ADAM19: variants seen among roughly 807,000 people sequenced by gnomAD.
ADAM19 encodes the protein ADAM metallopeptidase domain 19, also known as disintegrin and metalloproteinase domain-containing protein 19.
Under a neutral mutation model 114.7 loss-of-function variants are expected in ADAM19, and 65 were observed. The observed-to-expected ratio is 0.57, with a 90% confidence interval of 0.46 to 0.70. The LOEUF is 0.70. ADAM19 is among the 30% of genes least tolerant of loss of function. The pLI, the probability that ADAM19 is intolerant of heterozygous loss-of-function variation, is 0.00. For missense variants in ADAM19, 1,063 were observed against 1,204.7 expected (o/e 0.88, Z 1.74); for synonymous variants, 466 against 460.5 (o/e 1.01, Z -0.15).
intron 5 of ADAM19, among the ~76,000 whole-genome samples, chr5:157,529,596 C>G (rs983242626): frequency 1.3e-5 from 2 of 152,030 alleles, no homozygotes; most frequent in Non-Finnish European, 1.5e-5. Flanking sequence ...GAACAAGCTC[C>G]CAGGTAAAGT....
chr5:157,536,425 C>T (rs189708554), intron 4 of ADAM19, among the ~76,000 whole-genome samples: 6 of 152,226 alleles, frequency 3.9e-5, no homozygotes, highest in East Asian at 3.9e-4. Flanking sequence ...GTCAGGAGTT[C>T]GAGAATAGCT....
At chr5:157,565,640 C>A (rs192563563) in intron 2 of ADAM19, among the ~76,000 whole-genome samples, 2 of 150,244 alleles carry the variant, frequency 1.3e-5, no homozygotes, top group South Asian at 4.2e-4. Context: ...ACCTGGGAGG[C>A]GAAGGTTGCA....
At position 157,575,679 on chromosome 5, in the gene ADAM19, G is replaced by C. The variant is rs1399848602; in HGVS notation, c.18C>G (p.Gly6=). The C allele has an allele frequency of 1.1e-5, 15 of 1,346,714 alleles. No individual in the cohort carries two copies. The highest frequency in any genetic ancestry group is 1.8e-5 in the South Asian group (1 of 54,432). 83.4% of individuals were successfully genotyped at this position (1,346,714 alleles called of 1,614,324 possible). Residue 6 remains glycine (G), a synonymous_variant, in exon 1 of 23, where the codon GGC becomes GGG. Transcript: ENST00000257527. The part of the protein sequence containing the change: MPGGA[G]AARLCLLAFA... ...ACGCCAGCAAGCAGAGCCGGGCGGCGCCTGCGCCCCCTGGCATGGTGGCGG... is the reference window on the plus strand; with the variant it reads ...ACGCCAGCAAGCAGAGCCGGGCGGCCCCTGCGCCCCCTGGCATGGTGGCGG...
intron 2 of ADAM19, chr5:157,568,253 C>T (rs923250238): frequency 2.0e-5 from 3 of 152,208 alleles, no homozygotes; most frequent in Non-Finnish European, 2.9e-5. Context: ...GATTACAGGG[C>T]GTGAGCCACC....
chr5:157,554,374 T>C (rs1239205118), intron 3 of ADAM19, among the ~76,000 whole-genome samples: 1 of 152,246 alleles, frequency 6.6e-6, no homozygotes, highest in Non-Finnish European at 1.5e-5. Context: ...GTGGACATCC[T>C]TCCTGGCTGC....
chr5:157,481,012 A>G lies in ADAM19; in HGVS notation c.2704-10T>C. 6.2e-7 allele frequency: 1 copy of G among 1,614,136 alleles called. No homozygotes were observed. Among genetic ancestry groups the G allele is most frequent in the Non-Finnish European group, 8.5e-7 (1 of 1,180,004 alleles). ...ATCTGTATTCTGGAAACTGGGAAGA[A>G]AAAGAAGGGAGGGAGAGAGACATCA... On this transcript the variant is annotated splice_polypyrimidine_tract_variant and intron_variant, in intron 22 of 22. Coordinates refer to ENST00000257527, the MANE Select transcript of ADAM19 (RefSeq NM_033274.5).
intron 9 of ADAM19, among the ~76,000 whole-genome samples, chr5:157,507,948 G>A (rs1755799027): frequency 1.3e-5 from 2 of 152,168 alleles, no homozygotes; most frequent in African/African-American, 4.8e-5. Context: ...TTCTCATCTA[G>A]ACCATGATAT....
chr5:157,481,278 G>C, intron 22 of ADAM19: 1 of 576,784 alleles, frequency 1.7e-6, no homozygotes, highest in Non-Finnish European at 3.1e-6. Context: ...TCAATGCCTC[G>C]TGGGAATACA....
intron 7 of ADAM19, 43 bp from the exon 8 acceptor site, chr5:157,513,548 C>T: frequency 6.4e-7 from 1 of 1,560,866 alleles, no homozygotes; most frequent in Non-Finnish European, 8.8e-7. Context: ...CAGAACCTCT[C>T]ACAGGATGCT....
In ADAM19 at chr5:157,490,457, TC is replaced by T. The variant is rs764955510; in HGVS notation, c.2096-4del. The T allele has an allele frequency of 3.6e-5, 58 of 1,613,394 alleles. No homozygotes were observed. The African/African-American group carries it at 7.1e-4, about 20-fold the overall frequency. On this transcript the variant is annotated splice_region_variant and splice_polypyrimidine_tract_variant and intron_variant, in intron 18 of 22. Transcript: ENST00000257527. ...TCCAGCTACCACAGGACCCACACCT[TC>T]CAGAAACAGAACCCAAGTGGGAGAT...
At chr5:157,516,834 G>A (rs1255936532) in intron 7 of ADAM19, among the ~76,000 whole-genome samples, 1 of 152,038 alleles carries the variant, frequency 6.6e-6, no homozygotes, top group Non-Finnish European at 1.5e-5. Context: ...CACGACTATG[G>A]AGCCTCAGCT....
At chr5:157,535,378 T>C (rs1393364851) in intron 4 of ADAM19, among the ~76,000 whole-genome samples, 2 of 152,190 alleles carry the variant, frequency 1.3e-5, no homozygotes, top group Admixed American at 6.5e-5. Flanking sequence ...CAGGCCAAGT[T>C]TGGTAGTAGA....
At chr5:157,502,768 C>G (rs778237422) in intron 12 of ADAM19, 35 bp downstream of exon 12, 5 of 1,598,352 alleles carry the variant, frequency 3.1e-6, no homozygotes, top group African/African-American at 1.3e-5. Context: ...AATGCAAATT[C>G]TTCCCCTCCC....
At chr5:157,509,493 T>G in intron 8 of ADAM19, 26 bp from the exon 9 acceptor site, 1 of 1,537,138 alleles carries the variant, frequency 6.5e-7, no homozygotes, top group Non-Finnish European at 8.8e-7. Context: ...AAAACCACAG[T>G]ATCTGTCAAT....
intron 3 of ADAM19, among the ~76,000 whole-genome samples, chr5:157,562,891 C>T (rs1561558363): frequency 6.6e-6 from 1 of 152,080 alleles, no homozygotes; most frequent in Non-Finnish European, 1.5e-5. Flanking sequence ...TCCCACAACA[C>T]CAACACTATC....
At chr5:157,527,053 G>A (rs1175958890) in intron 5 of ADAM19, among the ~76,000 whole-genome samples, 2 of 152,156 alleles carry the variant, frequency 1.3e-5, no homozygotes, top group East Asian at 1.9e-4. Flanking sequence ...ACTTGAGACT[G>A]GGTAATTTAT....
chr5:157,545,738 A>G (rs1757031739), intron 3 of ADAM19, among the ~76,000 whole-genome samples: 1 of 152,228 alleles, frequency 6.6e-6, no homozygotes, highest in Non-Finnish European at 1.5e-5. Flanking sequence ...AATAAACTAG[A>G]GTAAGCTAAA....
At chr5:157,531,138 T>C (rs11465282) in intron 4 of ADAM19, among the ~76,000 whole-genome samples, 245 of 152,226 alleles carry the variant, frequency 1.6e-3, no homozygotes, top group African/African-American at 5.6e-3. Flanking sequence ...GCAAAGAGAT[T>C]TGCCCAAGGT....
At position 157,519,930 on chromosome 5, in the gene ADAM19, G is replaced by A. The variant is rs374662706; in HGVS notation, c.509C>T (p.Pro170Leu). 8 of 1,613,956 alleles carry A rather than the reference G, an allele frequency of 5.0e-6. No homozygotes were observed. Among genetic ancestry groups the A allele is most frequent in the Non-Finnish European group, 6.8e-6 (8 of 1,180,030 alleles). ...LIYRSEHLKPPPGNCGFEHSK... is the reference protein window; with the variant it reads ...LIYRSEHLKPLPGNCGFEHSK... The stretch of plus-strand genomic sequence containing the variant: ...GTGCTCGAACCCACAGTTTCCCGGG[G>A]GCGGCTTGAGATGTTCAGATCTGTA... The change falls in exon 6 of 23, where the codon CCC becomes CTC. Residue 170 changes from proline to leucine, a missense_variant. Around this residue, in one of 3 missense-constraint regions of ADAM19, gnomAD observed 615 missense variants for 706.3 expected, o/e 0.87. Coordinates refer to ENST00000257527, the MANE Select transcript of ADAM19 (RefSeq NM_033274.5).
Sources: gnomAD v4.1 joint callset for allele counts (sites outside exome capture counted in the v4.1 genomes callset) on GRCh38, gnomAD v4.1.1 for gene constraint, gnomAD v4.1.1 regional missense constraint, MANE v1.5 for transcripts, NCBI Gene and HGNC (gene_info 2026-07-23, HGNC 2026-07-21) for gene names.